ZYG11B: variants seen among roughly 807,000 people sequenced by gnomAD.
The protein encoded by ZYG11B is zyg-11 family member B, cell cycle regulator.
In ZYG11B, 36 loss-of-function variants were observed where a neutral mutation model predicts 82.4. The ratio of observed to expected loss-of-function variants is 0.44; its 90% CI spans 0.33 to 0.58. The LOEUF (loss-of-function observed/expected upper bound fraction) is 0.58, where lower values mean the gene tolerates loss of function less well. Ranked by LOEUF, ZYG11B falls within the 20% of genes least tolerant of loss-of-function variation. ZYG11B has a pLI of 0.02. For missense variants in ZYG11B, 552 were observed against 895.6 expected, an observed-to-expected ratio of 0.62 and a Z score of 4.90; for synonymous variants, 303 against 312.8, an observed-to-expected ratio of 0.97 and a Z score of 0.33.
intron 8 of ZYG11B, among the ~76,000 whole-genome samples, chr1:52,801,151 A>G (rs1327703493): frequency 1.3e-5 from 2 of 152,124 alleles, no homozygotes; most frequent in Non-Finnish European, 2.9e-5. Flanking sequence ...TAAAAAGGGA[A>G]GGGGAAAGGG....
At chr1:52,730,441 C>G (rs1325215679) in intron 1 of ZYG11B, among the ~76,000 whole-genome samples, 1 of 152,174 alleles carries the variant, frequency 6.6e-6, no homozygotes, top group Non-Finnish European at 1.5e-5. Flanking sequence ...GTCCTTCCAG[C>G]TCAGCCTCCC....
intron 1 of ZYG11B, among the ~76,000 whole-genome samples, chr1:52,748,810 C>G (rs183838653): frequency 6.0e-4 from 88 of 145,570 alleles, no homozygotes; most frequent in African/African-American, 2.2e-3. Context: ...GCAGTGGGCA[C>G]AAGAATCACT....
At chr1:52,779,799 A>G (rs1644840127) in intron 3 of ZYG11B, 54 bp from the exon 4 acceptor site, 7 of 1,604,938 alleles carry the variant, frequency 4.4e-6, no homozygotes, top group African/African-American at 1.3e-5. Context: ...CACACATGAT[A>G]ATTAGATAGA....
At chr1:52,802,340 C>CTTTT (rs397980205) in intron 10 of ZYG11B, among the ~76,000 whole-genome samples, 75 of 78,054 alleles carry the variant, frequency 9.6e-4, no homozygotes, top group Middle Eastern at 7.7e-3. Context: ...TTCTTTCTCT[C>CTTTT]TTTTTTTTTT....
chr1:52,797,419 T>G (rs538678022), intron 8 of ZYG11B, among the ~76,000 whole-genome samples: 3,563 of 72,178 alleles, frequency 0.049, 217 homozygotes, highest in African/African-American at 0.19. Flanking sequence ...TATCATATAT[T>G]ATACATATTA....
chr1:52,798,169 A>G (rs1419739581), intron 8 of ZYG11B, among the ~76,000 whole-genome samples: 1 of 151,904 alleles, frequency 6.6e-6, no homozygotes, highest in Non-Finnish European at 1.5e-5. Context: ...TAAAGAAGTG[A>G]ATTTATTTCT....
At chr1:52,770,991 A>T in intron 2 of ZYG11B, 29 bp from the exon 3 acceptor site, 1 of 1,569,656 alleles carries the variant, frequency 6.4e-7, no homozygotes, top group Admixed American at 1.9e-5. Flanking sequence ...CTGTTTTTTG[A>T]ATTTAAAACG....
intron 13 of ZYG11B, among the ~76,000 whole-genome samples, chr1:52,819,256 C>G (rs1016083103): frequency 2.0e-5 from 3 of 152,102 alleles, no homozygotes; most frequent in Admixed American, 1.3e-4. Context: ...ACTACATTAC[C>G]CAGAAGCAGA....
At chr1:52,816,685 C>G in intron 13 of ZYG11B, 56 bp downstream of exon 13, 1 of 1,292,980 alleles carries the variant, frequency 7.7e-7, no homozygotes, top group Non-Finnish European at 1.1e-6. Context: ...ATTCTCATTT[C>G]CCAGGAAAGA....
chr1:52,803,245 CACACATAT>C (rs1236801779), intron 10 of ZYG11B, among the ~76,000 whole-genome samples: 1 of 62,012 alleles, frequency 1.6e-5, no homozygotes, highest in South Asian at 4.4e-4. Flanking sequence ...TATATACACA[CACACATAT>C]ATATATATAT....
intron 6 of ZYG11B, among the ~76,000 whole-genome samples, chr1:52,790,700 A>G (rs1352057683): frequency 8.4e-6 from 1 of 118,542 alleles, no homozygotes; most frequent in Non-Finnish European, 1.6e-5. Flanking sequence ...CCTGGGTGAC[A>G]GGGCAAGACT....
At chr1:52,778,935 C>T (rs1033717439) in intron 3 of ZYG11B, among the ~76,000 whole-genome samples, 2 of 152,014 alleles carry the variant, frequency 1.3e-5, no homozygotes, top group Non-Finnish European at 2.9e-5. Context: ...CCAAGCATAA[C>T]GCTAGCTATT....
chr1:52,821,518 T>TCC lies in ZYG11B; in HGVS notation c.2127_2128dup (p.His710ProfsTer14). 1 of 1,614,104 alleles carries TCC rather than the reference T, an allele frequency of 6.2e-7. No individual in the cohort carries two copies. Among genetic ancestry groups the TCC allele is most frequent in the Non-Finnish European group, 8.5e-7 (1 of 1,180,004 alleles). Reference sequence around the variant, plus strand: ...ACATCAAAGATCATGAACATACTGATCCCCATGTCCAACAGATTGCTGTGG... The same window carrying TCC: ...ACATCAAAGATCATGAACATACTGATCCCCCCATGTCCAACAGATTGCTGTGG... On this transcript the variant is annotated frameshift_variant, in exon 14 of 14. Transcript: ENST00000294353. LOFTEE classifies it high-confidence loss of function.
At chr1:52,790,235 T>A (rs931865892) in intron 6 of ZYG11B, among the ~76,000 whole-genome samples, 168 bp downstream of exon 6, 1 of 152,214 alleles carries the variant, frequency 6.6e-6, no homozygotes, top group Admixed American at 6.5e-5. Flanking sequence ...TTAGTGGCTT[T>A]GACATTCATG....
intron 10 of ZYG11B, among the ~76,000 whole-genome samples, chr1:52,812,607 G>C (rs1645192786): frequency 6.6e-6 from 1 of 151,908 alleles, no homozygotes; most frequent in Non-Finnish European, 1.5e-5. Context: ...GTTTCTCCAT[G>C]TTGGCCAGGC....
At position 52,726,478 on chromosome 1, in the gene ZYG11B, C is replaced by A; in HGVS notation, c.-176C>A. On this transcript the variant is annotated 5_prime_UTR_variant, in exon 1 of 14. Coordinates refer to ENST00000294353, the MANE Select transcript of ZYG11B (RefSeq NM_024646.3). ...GGAGTCTGCGCTCTGGTTCGGGCTG[C>A]GGCTGCGGCTGCGGCTGCGGCTGCT... 1.9e-6 allele frequency: 1 copy of A among 519,570 alleles called. No homozygotes were observed. The highest frequency in any genetic ancestry group is 2.0e-5 in the African/African-American group (1 of 49,482). 32.2% of individuals were successfully genotyped at this position (519,570 alleles called of 1,614,324 possible).
chr1:52,750,684 A>G (rs922426783), intron 1 of ZYG11B, among the ~76,000 whole-genome samples: 1 of 152,164 alleles, frequency 6.6e-6, no homozygotes, highest in Non-Finnish European at 1.5e-5. Context: ...GAGTGGTGCA[A>G]CTATAGCCAC....
At chr1:52,764,791 C>A (rs1324098477) in intron 2 of ZYG11B, among the ~76,000 whole-genome samples, 1 of 152,046 alleles carries the variant, frequency 6.6e-6, no homozygotes. Flanking sequence ...CTTGGATGAT[C>A]AGAGAAAGCT....
At chr1:52,735,253 T>A (rs1183141033) in intron 1 of ZYG11B, among the ~76,000 whole-genome samples, 1 of 151,974 alleles carries the variant, frequency 6.6e-6, no homozygotes, top group Non-Finnish European at 1.5e-5. Flanking sequence ...GGTATCGAAC[T>A]CCCAACCTCT....
Sources: allele counts gnomAD v4.1 joint callset (sites outside exome capture counted in the v4.1 genomes callset), GRCh38; gene constraint gnomAD v4.1.1; transcripts MANE v1.5; gene names NCBI Gene and HGNC (gene_info 2026-07-23, HGNC 2026-07-21).